The following EHBP1 variants were observed in gnomAD, a reference collection of about 807,000 sequenced individuals.
EHBP1 encodes the protein EH domain-binding protein 1.
Under a neutral mutation model 144.0 loss-of-function variants are expected in EHBP1, and 55 were observed. The ratio of observed to expected loss-of-function variants is 0.38; its 90% CI spans 0.31 to 0.48. The LOEUF is 0.48. Ranked by LOEUF, EHBP1 falls within the 20% of genes least tolerant of loss-of-function variation. The pLI, the probability that EHBP1 is intolerant of heterozygous loss-of-function variation, is 0.98. For synonymous variants in EHBP1, 469 were observed against 472.7 expected (o/e 0.99, Z 0.10); for missense variants, 1,200 against 1,364.2 (o/e 0.88, Z 1.90).
At chr2:63,025,988 ATGGGTT>A in intron 19 of EHBP1, among the ~76,000 whole-genome samples, 1 of 152,184 alleles carries the variant, frequency 6.6e-6, no homozygotes, top group Non-Finnish European at 1.5e-5. Flanking sequence ...TGCGTAGTTG[ATGGGTT>A]TGGGTGCATT....
At chr2:62,816,723 C>T (rs1483700548) in intron 5 of EHBP1, among the ~76,000 whole-genome samples, 2 of 152,116 alleles carry the variant, frequency 1.3e-5, no homozygotes, top group African/African-American at 4.8e-5. Context: ...TCTATTGTCT[C>T]CTGACTCTCC....
At position 62,993,532 on chromosome 2, in the gene EHBP1, T is replaced by C. The variant is rs1424646641; in HGVS notation, c.2736T>C (p.Ser912=). The C allele has an allele frequency of 2.5e-6, 4 of 1,582,406 alleles. No individual in the cohort carries two copies. Among genetic ancestry groups the C allele is most frequent in the Non-Finnish European group, 2.6e-6 (3 of 1,160,888 alleles). ...ACCATGTGTTGTTTTACGTTTAGAG[T>C]GGCACAGAAGATCTCCGGACTGAAC... ...VTESSEQDMK[S]GTEDLRTERL... The change falls in exon 17 of 23, where the codon AGT becomes AGC. Residue 912 remains serine, a splice_region_variant and synonymous_variant. Coordinates refer to ENST00000431489, the MANE Select transcript of EHBP1 (RefSeq NM_001142616.3).
chr2:62,820,733 G>GTGTAT (rs1558730370), intron 5 of EHBP1, among the ~76,000 whole-genome samples: 3 of 94,752 alleles, frequency 3.2e-5, no homozygotes, highest in African/African-American at 1.3e-4. Flanking sequence ...GTGTGTGTGT[G>GTGTAT]TATAATATAT....
chr2:62,926,750 A>C (rs1226405232), intron 10 of EHBP1, among the ~76,000 whole-genome samples: 1 of 152,138 alleles, frequency 6.6e-6, no homozygotes, highest in Non-Finnish European at 1.5e-5. Context: ...TGGGAATGCA[A>C]GCCACTATAG....
intron 1 of EHBP1, among the ~76,000 whole-genome samples, chr2:62,674,748 T>C (rs760374838): frequency 2.0e-5 from 3 of 152,214 alleles, no homozygotes; most frequent in Non-Finnish European, 4.4e-5. Flanking sequence ...CAGAGAATTT[T>C]TTGAGAAAAA....
At chr2:62,909,098 G>A (rs752958029) in intron 10 of EHBP1, among the ~76,000 whole-genome samples, 1 of 152,204 alleles carries the variant, frequency 6.6e-6, no homozygotes. Context: ...ATTTAGGCGT[G>A]CAAGTACCGT....
At chr2:62,840,116 G>A (rs997987686) in intron 7 of EHBP1, among the ~76,000 whole-genome samples, 1 of 150,700 alleles carries the variant, frequency 6.6e-6, no homozygotes, top group African/African-American at 2.4e-5. Context: ...AACCAAAACA[G>A]CATGGTACTG....
At chr2:62,951,725 A>C (rs952158154) in intron 13 of EHBP1, among the ~76,000 whole-genome samples, 1 of 152,010 alleles carries the variant, frequency 6.6e-6, no homozygotes, top group Non-Finnish European at 1.5e-5. Flanking sequence ...GGGTTTCACC[A>C]CATTGGCCAG....
intron 2 of EHBP1, among the ~76,000 whole-genome samples, chr2:62,729,538 A>T (rs1572999492): frequency 1.6e-5 from 2 of 121,514 alleles, no homozygotes; most frequent in African/African-American, 6.5e-5. Flanking sequence ...AATATATATA[A>T]TATATATTAT....
At chr2:62,873,528 A>C (rs1330522254) in intron 9 of EHBP1, among the ~76,000 whole-genome samples, 7 of 152,140 alleles carry the variant, frequency 4.6e-5, no homozygotes, top group Non-Finnish European at 1.0e-4. Flanking sequence ...TTCAAAGAGA[A>C]TAGAGAAAAT....
intron 10 of EHBP1, among the ~76,000 whole-genome samples, chr2:62,913,010 G>T (rs1313437738): frequency 1.3e-5 from 2 of 152,128 alleles, no homozygotes; most frequent in Non-Finnish European, 2.9e-5. Flanking sequence ...TCTCTGATGA[G>T]GAGGGAAGAG....
chr2:62,908,860 A>G (rs1379231101), intron 10 of EHBP1, among the ~76,000 whole-genome samples: 3 of 152,096 alleles, frequency 2.0e-5, no homozygotes, highest in African/African-American at 7.2e-5. Context: ...AAAAATCTGT[A>G]TTCTCTAGTC....
rs116268665 is a variant in EHBP1, at chr2:62,775,137, T to C, written c.312+3745T>C. ...CCAAAAGAGAATTGGGGTATGCTTGTCAAATTTATTTAAAATATATTTTAA... is the reference window on the plus strand; with the variant it reads ...CCAAAAGAGAATTGGGGTATGCTTGCCAAATTTATTTAAAATATATTTTAA... On this transcript the variant is annotated intron_variant, in intron 5 of 22. Transcript: ENST00000431489. Among the ~76,000 whole-genome samples, 731 of 152,308 alleles carry C rather than the reference T, an allele frequency of 4.8e-3. 4 individuals are homozygous for C. The highest frequency in any genetic ancestry group is 0.017 in the African/African-American group (698 of 41,556).
intron 10 of EHBP1, among the ~76,000 whole-genome samples, chr2:62,935,114 G>A (rs987636813): frequency 1.3e-5 from 2 of 151,958 alleles, no homozygotes; most frequent in Admixed American, 6.6e-5. Context: ...TGGATCACGA[G>A]GTCAAGAGAT....
intron 5 of EHBP1, among the ~76,000 whole-genome samples, chr2:62,775,364 A>C (rs556459945): frequency 3.7e-4 from 57 of 152,220 alleles, no homozygotes; most frequent in Non-Finnish European, 4.6e-4. Context: ...CATTTCATGC[A>C]AAAGAATTAG....
At chr2:62,801,409 G>T (rs1345022609) in intron 5 of EHBP1, among the ~76,000 whole-genome samples, 1 of 152,174 alleles carries the variant, frequency 6.6e-6, no homozygotes, top group African/African-American at 2.4e-5. Context: ...GAAGTGTTGT[G>T]AGTATATTAC....
chr2:62,962,447 G>A lies in EHBP1; in HGVS notation c.2460+6787G>A, dbSNP rs151234806. Among the ~76,000 whole-genome samples, 546 of 152,260 alleles carry A rather than the reference G, an allele frequency of 3.6e-3. 6 individuals are homozygous for A. The highest frequency in any genetic ancestry group is 0.012 in the African/African-American group (497 of 41,544). ...TAATAAGCCCACCATTACATTTAAT[G>A]ATACTTATATACTTGTATAGGTATC... On this transcript the variant is annotated intron_variant, in intron 14 of 22. Coordinates refer to ENST00000431489, the MANE Select transcript of EHBP1 (RefSeq NM_001142616.3).
chr2:63,020,452 G>A (rs1393320687), intron 19 of EHBP1, among the ~76,000 whole-genome samples: 3 of 149,670 alleles, frequency 2.0e-5, no homozygotes, highest in Admixed American at 6.7e-5. Context: ...GCAATGACCC[G>A]AGATTGTACC....
intron 7 of EHBP1, among the ~76,000 whole-genome samples, chr2:62,837,936 C>G (rs1304022057): frequency 2.1e-5 from 3 of 146,176 alleles, no homozygotes; most frequent in Non-Finnish European, 4.5e-5. Context: ...ATCAACGAGA[C>G]AGAAAGTCAA....
Sources: allele counts gnomAD v4.1 joint callset (sites outside exome capture counted in the v4.1 genomes callset), GRCh38; gene constraint gnomAD v4.1.1; transcripts MANE v1.5; gene names NCBI Gene and HGNC (gene_info 2026-07-23, HGNC 2026-07-21).